Variants in CDH12 observed in about 807,000 individuals in gnomAD.
CDH12 encodes cadherin-12.
A neutral mutation model predicts 74.1 loss-of-function variants in CDH12; 41 were observed. That is an observed-to-expected ratio of 0.55 (90% CI 0.43 to 0.72). The LOEUF (loss-of-function observed/expected upper bound fraction) is 0.72. Among genes scored for constraint, CDH12 ranks in the 30% least tolerant of loss-of-function variants. The pLI is 0.00. For synonymous variants in CDH12, 399 were observed against 355.0 expected, an observed-to-expected ratio of 1.12 and a Z score of -1.39; for missense variants, 945 against 977.2, an observed-to-expected ratio of 0.97 and a Z score of 0.44.
chr5:21,784,405 A>G (rs1040178173), intron 10 of CDH12, among the ~76,000 whole-genome samples: 94 of 152,142 alleles, frequency 6.2e-4, no homozygotes, highest in African/African-American at 2.0e-3. Context: ...AGTATTATTA[A>G]TATGTCTTAC....
At chr5:22,852,252 T>C (rs967472401) in intron 1 of CDH12, among the ~76,000 whole-genome samples, 10 of 152,288 alleles carry the variant, frequency 6.6e-5, no homozygotes, top group Non-Finnish European at 1.0e-4. Flanking sequence ...TACTCTGAAG[T>C]ACAGAGGTTC....
At chr5:22,657,217 C>T (rs1420612279) in intron 1 of CDH12, among the ~76,000 whole-genome samples, 3 of 151,982 alleles carry the variant, frequency 2.0e-5, no homozygotes, top group African/African-American at 7.3e-5. Context: ...AAAACAAAAT[C>T]ATAATAGTGG....
intron 3 of CDH12, among the ~76,000 whole-genome samples, chr5:22,325,420 C>A (rs1386688868): frequency 1.3e-5 from 2 of 151,938 alleles, no homozygotes; most frequent in Non-Finnish European, 2.9e-5. Context: ...AATAATACCA[C>A]ATGAAAAAAA....
At chr5:22,553,552 G>T (rs1580759139) in intron 1 of CDH12, among the ~76,000 whole-genome samples, 2 of 151,788 alleles carry the variant, frequency 1.3e-5, no homozygotes. Flanking sequence ...AAATACTTAG[G>T]TATAAATCTA....
intron 4 of CDH12, among the ~76,000 whole-genome samples, chr5:22,184,084 G>A (rs1367480839): frequency 6.6e-6 from 1 of 151,682 alleles, no homozygotes; most frequent in Non-Finnish European, 1.5e-5. Flanking sequence ...CAGTTGTGTG[G>A]TTAAGGGTAT....
intron 1 of CDH12, among the ~76,000 whole-genome samples, chr5:22,673,076 T>C (rs1336885655): frequency 6.6e-6 from 1 of 152,120 alleles, no homozygotes; most frequent in Non-Finnish European, 1.5e-5. Flanking sequence ...GTAACAAAAG[T>C]CAATTATCAG....
chr5:22,443,854 C>T (rs1046959702), intron 2 of CDH12, among the ~76,000 whole-genome samples: 1 of 152,100 alleles, frequency 6.6e-6, no homozygotes, highest in African/African-American at 2.4e-5. Context: ...ATTGTATGCA[C>T]ACACACATAA....
intron 1 of CDH12, among the ~76,000 whole-genome samples, chr5:22,838,331 T>A (rs999479390): frequency 9.2e-5 from 14 of 152,120 alleles, no homozygotes; most frequent in Admixed American, 2.6e-4. Flanking sequence ...TCTTGCCAAC[T>A]TTGACTGGTT....
intron 1 of CDH12, among the ~76,000 whole-genome samples, chr5:22,845,877 G>A (rs896040506): frequency 1.3e-5 from 2 of 152,090 alleles, no homozygotes; most frequent in Non-Finnish European, 2.9e-5. Flanking sequence ...CGGGGAGAAG[G>A]GAGAGTATAA....
intron 14 of CDH12, among the ~76,000 whole-genome samples, chr5:21,753,095 C>T (rs1331096478): frequency 4.6e-5 from 7 of 152,128 alleles, no homozygotes; most frequent in Non-Finnish European, 8.8e-5. Flanking sequence ...CAAATGACGA[C>T]GTCAGTGCTC....
intron 3 of CDH12, among the ~76,000 whole-genome samples, chr5:22,267,104 C>T (rs987144037): frequency 5.9e-5 from 9 of 152,046 alleles, no homozygotes; most frequent in Non-Finnish European, 1.2e-4. Context: ...CATCACTTTC[C>T]CTAGTGTATT....
At chr5:22,065,776 G>C (rs1028364040) in intron 5 of CDH12, among the ~76,000 whole-genome samples, 1 of 152,076 alleles carries the variant, frequency 6.6e-6, no homozygotes, top group African/African-American at 2.4e-5. Context: ...ACTGGATCCT[G>C]GGTGACAGGG....
chr5:22,173,263 T>G (rs966230510), intron 4 of CDH12, among the ~76,000 whole-genome samples: 1 of 147,040 alleles, frequency 6.8e-6, no homozygotes, highest in Non-Finnish European at 1.5e-5. Flanking sequence ...TTTATATAAT[T>G]TAAATTTTAT....
chr5:22,058,458 C>A (rs1430707608), intron 5 of CDH12, among the ~76,000 whole-genome samples: 15 of 151,960 alleles, frequency 9.9e-5, no homozygotes, highest in African/African-American at 3.4e-4. Context: ...TTGTCCCCAG[C>A]AGTAATTCCT....
chr5:22,440,822 A>C (rs1317283560), intron 2 of CDH12, among the ~76,000 whole-genome samples: 1 of 152,146 alleles, frequency 6.6e-6, no homozygotes, highest in Non-Finnish European at 1.5e-5. Flanking sequence ...CCCCACCTCA[A>C]GATCTTTAAT....
At chr5:22,364,603 T>C (rs1300282354) in intron 3 of CDH12, among the ~76,000 whole-genome samples, 1 of 152,104 alleles carries the variant, frequency 6.6e-6, no homozygotes, top group Non-Finnish European at 1.5e-5. Flanking sequence ...GTATGGAACA[T>C]TTATAACAAT....
rs553439435 is a variant in CDH12 at position 22,660,516 on chromosome 5, A to ATCCTC, written c.-522-155157_-522-155153dup. 6.1e-3 allele frequency among the ~76,000 whole-genome samples: 923 copies of ATCCTC among 152,316 alleles called. 7 individuals carry two copies. The highest frequency in any genetic ancestry group is 0.027 in the Middle Eastern group (8 of 294). Reference sequence around the variant, plus strand: ...AAGTTTGTCCTCCTGGACTCGAGGGATCCTCTCGTCTCAGCCCCCGGAGTA... The same window carrying ATCCTC: ...AAGTTTGTCCTCCTGGACTCGAGGGATCCTCTCCTCTCGTCTCAGCCCCCGGAGTA... On this transcript the variant is annotated intron_variant, in intron 1 of 14. Transcript: ENST00000382254.
intron 2 of CDH12, among the ~76,000 whole-genome samples, chr5:22,459,767 C>A (rs1028129413): frequency 9.9e-5 from 15 of 152,060 alleles, no homozygotes; most frequent in African/African-American, 3.6e-4. Context: ...GAGATCAAGA[C>A]CATCCTGGTT....
intron 6 of CDH12, among the ~76,000 whole-genome samples, chr5:21,911,331 T>C (rs1185400015): frequency 6.6e-6 from 1 of 152,152 alleles, no homozygotes; most frequent in Non-Finnish European, 1.5e-5. Context: ...TCATTACTTA[T>C]TTTTAAGAAT....
Sources: gnomAD v4.1 joint callset for allele counts (sites outside exome capture counted in the v4.1 genomes callset) on GRCh38, gnomAD v4.1.1 for gene constraint, MANE v1.5 for transcripts, NCBI Gene and HGNC (gene_info 2026-07-23, HGNC 2026-07-21) for gene names.